The following ZBTB4 variants were observed in gnomAD, a reference collection of about 807,000 sequenced individuals.
ZBTB4 encodes zinc finger and BTB domain-containing protein 4.
In ZBTB4, 14 loss-of-function variants were observed where a neutral mutation model predicts 59.8. The ratio of observed to expected loss-of-function variants is 0.23; its 90% CI spans 0.15 to 0.37. The LOEUF is 0.37. Among genes scored for constraint, ZBTB4 ranks in the 10% least tolerant of loss-of-function variants. The pLI, the probability that ZBTB4 is intolerant of heterozygous loss-of-function variation, is 1.00. For missense variants in ZBTB4, 1,198 were observed against 1,380.8 expected (o/e 0.87, Z 2.10); for synonymous variants, 587 against 575.2 (o/e 1.02, Z -0.29).
chr17:7,472,908 T>C (rs2070218258), intron 1 of ZBTB4, among the ~76,000 whole-genome samples: 1 of 151,384 alleles, frequency 6.6e-6, no homozygotes, highest in Non-Finnish European at 1.5e-5. Context: ...CCTCCCAAAG[T>C]GCTGGGATGA....
At position 7,462,670 on chromosome 17, in the gene ZBTB4, G is replaced by A; in HGVS notation, c.2312C>T (p.Ala771Val). The A allele has an allele frequency of 1.2e-6, 2 of 1,607,516 alleles. No homozygotes were observed. The highest frequency in any genetic ancestry group is 1.7e-6 in the Non-Finnish European group (2 of 1,179,222). The change falls in exon 4 of 4, where the codon GCC becomes GTC. Residue 771 changes from alanine to valine, a missense_variant. By Grantham distance (64) the Ala-to-Val change is moderately conservative. Transcript: ENST00000380599. This position sits in a 1 kb window ranked among gnomAD's most constrained non-coding sequence, Gnocchi z 7.5. ...GGCAGCTGCGGTCTTGCACACCTTG[G>A]CGCAGTGGGGGCAGGTAAAGCGGGT... The part of the protein sequence containing the change: ...PSTRFTCPHC[A>V]KVCKTAAALS...
rs561114524 is a variant in ZBTB4, at chr17:7,464,389, G to A, written c.1092-499C>T. On this transcript the variant is annotated intron_variant, in intron 3 of 3. Transcript: ENST00000380599. ...TGCAGTGAGCCAAGATTGCACCACT[G>A]CACTCCCGCCTGGGCGACAGAGTGA... 4.2e-5 allele frequency among the ~76,000 whole-genome samples: 6 copies of A among 141,368 alleles called. No homozygotes were observed. In the South Asian group the frequency reaches 1.3e-3, roughly 32 times the overall value. The allele number at this position is 141,368 out of a possible 152,430, so 92.7% of individuals were successfully genotyped here.
chr17:7,474,229 T>TTTTTTTTTG (rs2070238255), intron 1 of ZBTB4, among the ~76,000 whole-genome samples: 2 of 149,706 alleles, frequency 1.3e-5, no homozygotes. Flanking sequence ...ACTTTTTTTT[T>TTTTTTTTTG]TTTTGACATG....
intron 1 of ZBTB4, among the ~76,000 whole-genome samples, chr17:7,471,952 T>A (rs879894734): frequency 6.6e-6 from 1 of 152,188 alleles, no homozygotes; most frequent in Non-Finnish European, 1.5e-5. Context: ...CTGTGTGACC[T>A]CAGATGTGCC....
At chr17:7,480,919 C>CG (rs1381584027), upstream of ZBTB4, among the ~76,000 whole-genome samples, 1 of 91,916 alleles carries the variant, frequency 1.1e-5, no homozygotes, top group South Asian at 3.6e-4. Context: ...CTTTGGGAGG[C>CG]GGGGGGTGGT....
Position 7,466,457 on chromosome 17 carries a change from G to A in ZBTB4, c.345C>T (p.Ala115=), listed in dbSNP as rs1015371674. The change falls in exon 3 of 4, where the codon GCC becomes GCT. Residue 115 remains alanine (A), a synonymous_variant. Transcript: ENST00000380599. This position sits in a 1 kb window ranked among gnomAD's most constrained non-coding sequence, Gnocchi z 9.1. ...GGGGTGGGGAAGAAGCAGGGGGAGA[G>A]GCTGGAGGGGGAGAGGAAGAGGAAG... ...SSSSSSSPPP[A]SPPASSPPRV... 1.9e-6 allele frequency: 3 copies of A among 1,612,648 alleles called. No individual in the cohort carries two copies. Among genetic ancestry groups the A allele is most frequent in the African/African-American group, 2.7e-5 (2 of 75,000 alleles).
rs1300857945 is a variant in ZBTB4 at position 7,463,253 on chromosome 17, C to T, written c.1729G>A (p.Gly577Arg). Residue 577 changes from glycine to arginine, a missense_variant, in exon 4 of 4, where the codon GGG becomes AGG. By Grantham distance (125) the Gly-to-Arg change is moderately radical. Transcript: ENST00000380599. The part of the protein sequence containing the change: ...TLTYTAKPVG[G>R]IGGGGGPPTG... ...GGGGGACCCCCACCTCCACCAATCC[C>T]GCCCACTGGCTTGGCTGTGTAAGTC... 1.2e-6 allele frequency: 2 copies of T among 1,612,116 alleles called. No individual in the cohort carries two copies. Among genetic ancestry groups the T allele is most frequent in the Non-Finnish European group, 1.7e-6 (2 of 1,179,480 alleles).
chr17:7,476,246 C>A (rs775034553), intron 1 of ZBTB4, among the ~76,000 whole-genome samples: 4 of 152,244 alleles, frequency 2.6e-5, no homozygotes, highest in Non-Finnish European at 5.9e-5. Flanking sequence ...CTGGTCCCCA[C>A]TGACTCTAGA....
At chr17:7,474,669 G>A (rs1015696672) in intron 1 of ZBTB4, among the ~76,000 whole-genome samples, 1 of 152,060 alleles carries the variant, frequency 6.6e-6, no homozygotes, top group Non-Finnish European at 1.5e-5. Context: ...GGAAGCCATC[G>A]TCCACGCTGG....
chr17:7,463,691 T>G lies in ZBTB4; in HGVS notation c.1291A>C (p.Ser431Arg). Reference protein sequence around the residue: ...RAAKRPYKTYSQGAPEAPLSP... With the variant: ...RAAKRPYKTYRQGAPEAPLSP... The stretch of plus-strand genomic sequence containing the variant: ...AGGGGAGCCTCCGGGGCTCCCTGGC[T>G]GTAGGTCTTGTAGGGCCGCTTGGCT... The change falls in exon 4 of 4, where the codon AGC becomes CGC. Residue 431 changes from serine to arginine, a missense_variant. Ser to Arg is a moderately radical substitution (Grantham distance 110). Coordinates refer to ENST00000380599, the MANE Select transcript of ZBTB4 (RefSeq NM_001128833.2). The G allele has an allele frequency of 6.2e-7, 1 of 1,613,866 alleles. No individual in the cohort carries two copies. The highest frequency in any genetic ancestry group is 8.5e-7 in the Non-Finnish European group (1 of 1,179,946).
intron 1 of ZBTB4, among the ~76,000 whole-genome samples, chr17:7,474,917 C>G (rs924980284): frequency 6.9e-6 from 1 of 145,840 alleles, no homozygotes; most frequent in African/African-American, 2.5e-5. Flanking sequence ...GTGGCTGAGG[C>G]AGGAGAATTG....
At chr17:7,482,643 C>G (rs926659428), upstream of ZBTB4, 2 of 1,611,942 alleles carry the variant, frequency 1.2e-6, no homozygotes, top group African/African-American at 2.7e-5. Context: ...TCCTGCCTCC[C>G]AACAGTGGCC....
chr17:7,467,197 G>A, intron 2 of ZBTB4, 60 bp downstream of exon 2: 1 of 1,030,786 alleles, frequency 9.7e-7, no homozygotes, highest in Non-Finnish European at 1.2e-6. Context: ...GGCCGCCCCT[G>A]CTGGCCTGCT....
upstream of ZBTB4, among the ~76,000 whole-genome samples, chr17:7,481,108 G>A (rs1170562698): frequency 2.0e-5 from 3 of 149,800 alleles, no homozygotes; most frequent in African/African-American, 7.4e-5. Context: ...GCGGTGAGCC[G>A]AGATTGCACG....
chr17:7,470,960 A>G (rs1430646699), intron 1 of ZBTB4, among the ~76,000 whole-genome samples: 1 of 152,180 alleles, frequency 6.6e-6, no homozygotes, highest in Non-Finnish European at 1.5e-5. Context: ...GTAGGTGGGC[A>G]AAGTCAAGCT....
intron 3 of ZBTB4, among the ~76,000 whole-genome samples, chr17:7,464,774 G>A (rs1323293889): frequency 6.7e-6 from 1 of 150,304 alleles, no homozygotes; most frequent in African/African-American, 2.5e-5. Flanking sequence ...GGAGGTAGAG[G>A]TTGCACTGAG....
chr17:7,478,132 A>G (rs1277007407), intron 1 of ZBTB4, among the ~76,000 whole-genome samples: 1 of 150,628 alleles, frequency 6.6e-6, no homozygotes, highest in African/African-American at 2.4e-5. Flanking sequence ...TTGTCACGCC[A>G]CCTCCCTCCC....
upstream of ZBTB4, chr17:7,481,361 A>C (rs2070342773): frequency 1.7e-6 from 2 of 1,165,322 alleles, no homozygotes; most frequent in African/African-American, 1.6e-5. Context: ...GAAAGAAAAG[A>C]AGCAGAGTTG....
chr17:7,475,009 C>A (rs2070250264), intron 1 of ZBTB4, among the ~76,000 whole-genome samples: 1 of 38,396 alleles, frequency 2.6e-5, no homozygotes, highest in Non-Finnish European at 5.0e-5. Flanking sequence ...GAGACTCTGC[C>A]TCAAAAAAAA....
Sources: gnomAD v4.1 joint callset for allele counts (sites outside exome capture counted in the v4.1 genomes callset) on GRCh38, gnomAD v4.1.1 for gene constraint, Gnocchi (gnomAD v3.1) non-coding constraint, MANE v1.5 for transcripts, NCBI Gene and HGNC (gene_info 2026-07-23, HGNC 2026-07-21) for gene names.